The following CEP135 variants were observed in gnomAD, a reference collection of about 807,000 sequenced individuals.
CEP135 encodes centrosomal protein of 135 kDa.
In CEP135, 142 loss-of-function variants were observed where a neutral mutation model predicts 157.3. The observed-to-expected ratio is 0.90, with a 90% CI of 0.79 to 1.04. CEP135 has a LOEUF of 1.04. CEP135 is among the 50% of genes least tolerant of loss of function. The pLI, the probability that CEP135 is intolerant of heterozygous loss-of-function variation, is 0.00. For synonymous variants in CEP135, 396 were observed against 439.8 expected (o/e 0.90, Z 1.25); for missense variants, 1,317 against 1,309.2 (o/e 1.01, Z -0.09).
intron 17 of CEP135, among the ~76,000 whole-genome samples, chr4:56,005,245 C>T (rs930779409): frequency 3.3e-5 from 5 of 152,010 alleles, no homozygotes; most frequent in African/African-American, 9.7e-5. Flanking sequence ...ACAAGTTTAA[C>T]GTAGTGAGAC....
intron 25 of CEP135, among the ~76,000 whole-genome samples, chr4:56,029,599 T>C (rs1731271925): frequency 6.6e-6 from 1 of 152,192 alleles, no homozygotes; most frequent in African/African-American, 2.4e-5. Context: ...GCAAATGTCA[T>C]AGAATGTATG....
Position 55,953,110 on chromosome 4 carries a change from C to G in CEP135, c.139C>G (p.Leu47Val). ...CGACTTAGTTCATACAACTGAGAGCCTTCGGCAATCAAAATTATCTGCTGT... is the reference window on the plus strand; with the variant it reads ...CGACTTAGTTCATACAACTGAGAGCGTTCGGCAATCAAAATTATCTGCTGT... The part of the protein sequence containing the change: ...FSDLVHTTES[L>V]RQSKLSAVKA... The change falls in exon 3 of 26, where the codon CTT (leucine) becomes GTT (valine). Residue 47 changes from leucine to valine, a missense_variant. Transcript: ENST00000257287. 1 of 1,591,320 alleles carries G rather than the reference C, an allele frequency of 6.3e-7. No individual in the cohort carries two copies. The highest frequency in any genetic ancestry group is 1.2e-5 in the South Asian group (1 of 86,206).
At chr4:55,962,199 A>G (rs967656869) in intron 6 of CEP135, among the ~76,000 whole-genome samples, 3 of 151,908 alleles carry the variant, frequency 2.0e-5, no homozygotes, top group South Asian at 4.2e-4. Flanking sequence ...TCCTGGATTC[A>G]TGCCATTCTC....
intron 2 of CEP135, 102 bp from the exon 3 acceptor site, chr4:55,952,983 A>T: frequency 2.0e-6 from 2 of 977,908 alleles, no homozygotes; most frequent in Non-Finnish European, 2.9e-6. Flanking sequence ...AAATGTCATC[A>T]TGTGGTGCAT....
At position 55,959,797 on chromosome 4, in the gene CEP135, A is replaced by T. The variant is rs1377300674; in HGVS notation, c.699+31A>T. On this transcript the variant is annotated intron_variant, in intron 6 of 25. Transcript: ENST00000257287. ...ATTTTTATTTACTTGCATAGTAGGG[A>T]TTGAGATAGGTATGCTGTGATTGTA... The T allele has an allele frequency of 2.7e-6, 4 of 1,483,474 alleles. No individual in the cohort carries two copies. In the East Asian group the frequency reaches 9.0e-5, roughly 34 times the overall value. 91.9% of individuals were successfully genotyped at this position (1,483,474 alleles called of 1,614,324 possible).
At chr4:55,956,005 A>G (rs1231072080) in intron 4 of CEP135, among the ~76,000 whole-genome samples, 1 of 152,182 alleles carries the variant, frequency 6.6e-6, no homozygotes, top group Non-Finnish European at 1.5e-5. Flanking sequence ...ACCCAGAGTC[A>G]GATGTGAGGG....
intron 25 of CEP135, among the ~76,000 whole-genome samples, chr4:56,027,980 C>A (rs919267882): frequency 6.6e-6 from 1 of 152,182 alleles, no homozygotes; most frequent in African/African-American, 2.4e-5. Context: ...CTTTTCTGGT[C>A]TCTATGAATT....
intron 18 of CEP135, among the ~76,000 whole-genome samples, chr4:56,008,979 C>T (rs1005678243): frequency 6.6e-6 from 1 of 152,008 alleles, no homozygotes; most frequent in African/African-American, 2.4e-5. Context: ...CTCACGGCAA[C>T]CTCACCCTCC....
At position 55,959,469 on chromosome 4, in the gene CEP135, T is replaced by C. The variant is rs186681507; in HGVS notation, c.615-213T>C. 3.4e-4 allele frequency among the ~76,000 whole-genome samples: 47 copies of C among 137,182 alleles called. No homozygotes were observed. The East Asian group carries it at 8.6e-3, about 25-fold the overall frequency. The allele number at this position is 137,182 out of a possible 152,430, so 90.0% of individuals were successfully genotyped here. ...TTGCACAGTGTATCTGAGTTTCAAA[T>C]TATTTACTACTCAGTTTTAAATCTT... On this transcript the variant is annotated intron_variant, in intron 5 of 25. Coordinates refer to ENST00000257287, the MANE Select transcript of CEP135 (RefSeq NM_025009.5).
chr4:55,976,501 G>T (rs557443533), intron 11 of CEP135, among the ~76,000 whole-genome samples: 11 of 152,290 alleles, frequency 7.2e-5, no homozygotes, highest in African/African-American at 2.6e-4. Context: ...CATTTGCTCT[G>T]TGCTGGATTC....
intron 6 of CEP135, among the ~76,000 whole-genome samples, chr4:55,963,333 A>T (rs112349234): frequency 2.9e-4 from 44 of 152,284 alleles, no homozygotes; most frequent in African/African-American, 8.7e-4. Context: ...AGACATCTCC[A>T]ACTACTAGAT....
intron 17 of CEP135, among the ~76,000 whole-genome samples, chr4:56,004,476 A>G (rs1030814146): frequency 6.6e-6 from 1 of 152,230 alleles, no homozygotes; most frequent in African/African-American, 2.4e-5. Context: ...TTATGTCAAC[A>G]TGATCTGTCC....
At chr4:55,989,887 T>C (rs1486613046) in intron 14 of CEP135, among the ~76,000 whole-genome samples, 7 of 152,202 alleles carry the variant, frequency 4.6e-5, no homozygotes, top group African/African-American at 1.7e-4. Context: ...GCATACCCTA[T>C]GAGCCAACAA....
intron 6 of CEP135, among the ~76,000 whole-genome samples, chr4:55,962,798 C>G (rs1213638066): frequency 1.5e-5 from 2 of 136,334 alleles, no homozygotes; most frequent in Admixed American, 7.8e-5. Context: ...TGGATTCTGT[C>G]TTTGACCCCT....
intron 15 of CEP135, among the ~76,000 whole-genome samples, chr4:55,996,151 G>A (rs1252031701): frequency 6.6e-6 from 1 of 152,012 alleles, no homozygotes; most frequent in South Asian, 2.1e-4. Flanking sequence ...TTTGAGACAG[G>A]GTCTCACTCT....
Position 56,028,934 on chromosome 4 carries a change from T to C in CEP135, c.*12-2426T>C, listed in dbSNP as rs182874445. On this transcript the variant is annotated intron_variant, in intron 25 of 25. Coordinates refer to ENST00000257287, the MANE Select transcript of CEP135 (RefSeq NM_025009.5). ...ATCCCACAAATCCCTTCCCCTCGAC[T>C]TCAGATGCCAATAGCAAGTCCCAGG... is the stretch of plus-strand genomic sequence containing the variant. Among the ~76,000 whole-genome samples the C allele has an allele frequency of 2.4e-4, 37 of 152,264 alleles. No individual in the cohort carries two copies. In the East Asian group the frequency reaches 6.4e-3, roughly 26 times the overall value.
intron 17 of CEP135, among the ~76,000 whole-genome samples, chr4:56,002,053 G>C (rs75972913): frequency 0.039 from 5,874 of 152,024 alleles, 359 homozygotes; most frequent in Admixed American, 0.16. Flanking sequence ...CAGATTGCTG[G>C]TGGAGTATAA....
chr4:56,024,687 C>T, intron 25 of CEP135, 73 bp downstream of exon 25: 2 of 1,040,726 alleles, frequency 1.9e-6, no homozygotes, highest in South Asian at 1.3e-5. Flanking sequence ...TTTTCTGCAT[C>T]AGGAAAGGGG....
intron 20 of CEP135, 82 bp from the exon 21 acceptor site, chr4:56,011,718 G>C: frequency 8.9e-7 from 1 of 1,129,098 alleles, no homozygotes; most frequent in East Asian, 2.5e-5. Context: ...AGAATGCTGT[G>C]TATGTGTATG....
Sources: gnomAD v4.1 joint callset for allele counts (sites outside exome capture counted in the v4.1 genomes callset) on GRCh38, gnomAD v4.1.1 for gene constraint, MANE v1.5 for transcripts, NCBI Gene and HGNC (gene_info 2026-07-23, HGNC 2026-07-21) for gene names.